Variants in DOK6 observed in about 807,000 individuals in gnomAD.
DOK6 encodes the protein docking protein 6.
A neutral mutation model predicts 44.0 loss-of-function variants in DOK6; 22 were observed. The observed-to-expected ratio is 0.50, with a 90% CI of 0.36 to 0.71. The LOEUF is 0.71. DOK6 is among the 30% of genes least tolerant of loss of function. The pLI, the probability that DOK6 is intolerant of heterozygous loss-of-function variation, is 0.00. For missense variants in DOK6, 340 were observed against 416.4 expected (o/e 0.82, Z 1.60); for synonymous variants, 166 against 145.5 (o/e 1.14, Z -1.01).
At chr18:69,406,448 T>C (rs1005493788) in intron 1 of DOK6, among the ~76,000 whole-genome samples, 11 of 152,242 alleles carry the variant, frequency 7.2e-5, no homozygotes, top group Admixed American at 2.6e-4. Flanking sequence ...GGCTGGATTT[T>C]GCTATTAAAT....
At chr18:69,644,708 CT>C (rs1359418707) in intron 3 of DOK6, among the ~76,000 whole-genome samples, 2 of 152,110 alleles carry the variant, frequency 1.3e-5, no homozygotes, top group African/African-American at 4.8e-5. Flanking sequence ...CTTTATTACT[CT>C]TTGTCAAGAG....
At chr18:69,701,797 G>GT (rs1178811113) in intron 5 of DOK6, among the ~76,000 whole-genome samples, 1 of 152,092 alleles carries the variant, frequency 6.6e-6, no homozygotes, top group Non-Finnish European at 1.5e-5. Context: ...TTGCAATATA[G>GT]TTATTATGAA....
intron 3 of DOK6, among the ~76,000 whole-genome samples, chr18:69,639,549 CCTTTTCATGGTT>C (rs1204182594): frequency 7.2e-5 from 11 of 152,152 alleles, no homozygotes; most frequent in Admixed American, 2.6e-4. Flanking sequence ...CCTCGTGCAG[CCTTTTCATGGTT>C]CTTTTAATAC....
chr18:69,456,188 T>C (rs1979628763), intron 1 of DOK6, among the ~76,000 whole-genome samples: 1 of 152,290 alleles, frequency 6.6e-6, no homozygotes, highest in South Asian at 2.1e-4. Context: ...TAAGCCTTTT[T>C]TTCCTAAATT....
intron 5 of DOK6, among the ~76,000 whole-genome samples, chr18:69,716,266 C>T (rs932240079): frequency 1.3e-5 from 2 of 152,118 alleles, no homozygotes; most frequent in African/African-American, 2.4e-5. Flanking sequence ...ATTTGAGGCT[C>T]ATTTAATCCA....
intron 3 of DOK6, among the ~76,000 whole-genome samples, chr18:69,659,385 G>A (rs62089949): frequency 0.21 from 31,809 of 152,214 alleles, 3,450 homozygotes; most frequent in Non-Finnish European, 0.23. Flanking sequence ...CAACAAGAAG[G>A]CTACATGCTG....
At chr18:69,554,237 G>C (rs1261014500) in intron 1 of DOK6, among the ~76,000 whole-genome samples, 3 of 152,138 alleles carry the variant, frequency 2.0e-5, no homozygotes, top group Non-Finnish European at 4.4e-5. Flanking sequence ...AACTTTGTTA[G>C]TAGCCAAAAA....
At chr18:69,546,927 T>G (rs1982422357) in intron 1 of DOK6, among the ~76,000 whole-genome samples, 1 of 151,576 alleles carries the variant, frequency 6.6e-6, no homozygotes, top group African/African-American at 2.4e-5. Flanking sequence ...GAGGTTTAAT[T>G]TGCTCACGGT....
chr18:69,450,543 T>C (rs1455626927), intron 1 of DOK6, among the ~76,000 whole-genome samples: 3 of 138,742 alleles, frequency 2.2e-5, no homozygotes, highest in Non-Finnish European at 4.7e-5. Context: ...ACGTTCAGAT[T>C]CAGGAAATAC....
At chr18:69,502,769 G>C (rs895224778) in intron 1 of DOK6, among the ~76,000 whole-genome samples, 4 of 151,920 alleles carry the variant, frequency 2.6e-5, no homozygotes, top group African/African-American at 9.7e-5. Context: ...CAAACAGCAC[G>C]CTCCTTTATA....
intron 1 of DOK6, among the ~76,000 whole-genome samples, chr18:69,489,055 A>G (rs1042304360): frequency 2.6e-5 from 4 of 152,188 alleles, no homozygotes; most frequent in African/African-American, 9.7e-5. Context: ...AATGGAAGAT[A>G]GGTGGGTGCA....
intron 7 of DOK6, among the ~76,000 whole-genome samples, chr18:69,776,341 C>T (rs777344089): frequency 6.6e-6 from 1 of 151,816 alleles, no homozygotes; most frequent in Non-Finnish European, 1.5e-5. Flanking sequence ...GTTTTCAGAT[C>T]ATAATGCAAT....
intron 1 of DOK6, among the ~76,000 whole-genome samples, chr18:69,424,853 A>G (rs1978593817): frequency 6.6e-6 from 1 of 152,132 alleles, no homozygotes; most frequent in African/African-American, 2.4e-5. Flanking sequence ...GAGCTTGTTA[A>G]ACATGCACAA....
intron 7 of DOK6, among the ~76,000 whole-genome samples, chr18:69,766,222 G>A (rs1979712315): frequency 6.6e-6 from 1 of 152,160 alleles, no homozygotes; most frequent in African/African-American, 2.4e-5. Context: ...GTTACACATG[G>A]ACATAAGTAT....
intron 4 of DOK6, among the ~76,000 whole-genome samples, chr18:69,684,749 G>A (rs565888416): frequency 2.3e-4 from 35 of 152,142 alleles, no homozygotes; most frequent in Admixed American, 1.3e-4. Context: ...TGGGTTTAAC[G>A]AAAGGCATAG....
At chr18:69,521,704 T>C (rs371742635) in intron 1 of DOK6, among the ~76,000 whole-genome samples, 157 of 152,062 alleles carry the variant, frequency 1.0e-3, no homozygotes, top group African/African-American at 3.7e-3. Context: ...TCATTTCTAA[T>C]GAGTACAAAG....
Position 69,698,396 on chromosome 18 carries a change from C to T in DOK6, c.410-8C>T. On this transcript the variant is annotated splice_polypyrimidine_tract_variant and splice_region_variant and intron_variant, in intron 4 of 7. Transcript: ENST00000382713. Reference sequence around the variant, plus strand: ...ACTTAACCTTCTCCATTCTTCGTCTCTTCACAGAGAGATTCAACGTGTATC... The same window carrying T: ...ACTTAACCTTCTCCATTCTTCGTCTTTTCACAGAGAGATTCAACGTGTATC... 6.2e-7 allele frequency: 1 copy of T among 1,606,016 alleles called. No homozygotes were observed.
chr18:69,672,486 G>GT (rs929020294), intron 3 of DOK6, among the ~76,000 whole-genome samples: 2 of 152,206 alleles, frequency 1.3e-5, no homozygotes, highest in Non-Finnish European at 2.9e-5. Flanking sequence ...AGACTCCCGA[G>GT]TAGCTGGGAT....
chr18:69,423,253 G>A (rs962851565), intron 1 of DOK6, among the ~76,000 whole-genome samples: 3 of 152,138 alleles, frequency 2.0e-5, no homozygotes, highest in South Asian at 2.1e-4. Flanking sequence ...AGTGAGCTGC[G>A]ATCATGCCAC....
Sources: gnomAD v4.1 joint callset for allele counts (sites outside exome capture counted in the v4.1 genomes callset) on GRCh38, gnomAD v4.1.1 for gene constraint, MANE v1.5 for transcripts, NCBI Gene and HGNC (gene_info 2026-07-23, HGNC 2026-07-21) for gene names.